LRTM3: variants seen among roughly 807,000 people sequenced by gnomAD.
LRTM3 encodes the protein leucine rich repeat transmembrane protein 3, also known as leucine-rich repeat transmembrane protein 3.
chr13:102,737,983 G>A, the LRTM3 span: 4 of 1,550,474 alleles, frequency 2.6e-6, no homozygotes, highest in Middle Eastern at 1.7e-4. Flanking sequence ...CTTCAACTTC[G>A]TGATCCATTT....
chr13:102,749,996 C>A, the LRTM3 span: 1 of 1,550,236 alleles, frequency 6.5e-7, no homozygotes. Context: ...GGCAAGAGGG[C>A]AAGGTGCCAC....
the LRTM3 span, chr13:102,742,176 T>C: frequency 6.4e-7 from 1 of 1,550,530 alleles, no homozygotes; most frequent in Non-Finnish European, 8.7e-7. Context: ...GCATTTTTAC[T>C]CAGCTGGAAT....
the LRTM3 span, chr13:102,745,603 G>C: frequency 6.4e-7 from 1 of 1,550,974 alleles, no homozygotes; most frequent in Non-Finnish European, 8.7e-7. Flanking sequence ...AAGTTTTCAT[G>C]TCTGAAAATT....
the LRTM3 span, chr13:102,734,060 C>G: frequency 2.6e-6 from 4 of 1,551,482 alleles, no homozygotes; most frequent in Non-Finnish European, 3.5e-6. Context: ...CAGAACCACA[C>G]ATGCTTCATC....
chr13:102,740,669 T>C, the LRTM3 span: 1 of 1,548,104 alleles, frequency 6.5e-7, no homozygotes, highest in South Asian at 1.2e-5. Flanking sequence ...TTTCTCTTGT[T>C]GCATAGATGC....
At chr13:102,739,576 C>T in the LRTM3 span, 1 of 1,550,190 alleles carries the variant, frequency 6.5e-7, no homozygotes, top group Non-Finnish European at 8.7e-7. Context: ...GCATCTTGCC[C>T]TCTTGTTTTA....
chr13:102,747,177 T>C, the LRTM3 span: 1 of 1,550,802 alleles, frequency 6.4e-7, no homozygotes, highest in South Asian at 1.2e-5. Context: ...TCCCTTTCAA[T>C]TTGGGATTCC....
At chr13:102,743,699 T>C in the LRTM3 span, 1 of 1,549,792 alleles carries the variant, frequency 6.5e-7, no homozygotes, top group African/African-American at 1.4e-5. Flanking sequence ...GCACTTTCTG[T>C]TGGATACAGT....
At chr13:102,739,601 A>G in the LRTM3 span, 1 of 1,550,440 alleles carries the variant, frequency 6.4e-7, no homozygotes, top group Non-Finnish European at 8.7e-7. Flanking sequence ...GTCTAACAGC[A>G]AAGGAAATTC....
chr13:102,729,686 T>C, the LRTM3 span: 2 of 1,551,908 alleles, frequency 1.3e-6, no homozygotes, highest in Non-Finnish European at 1.7e-6. Context: ...AGAATAGAAG[T>C]TGATATCGTC....
chr13:102,746,054 T>C, the LRTM3 span: 1 of 1,551,180 alleles, frequency 6.4e-7, no homozygotes, highest in Non-Finnish European at 8.7e-7. Flanking sequence ...GACTTTTATG[T>C]CATTTTCTGT....
chr13:102,745,920 G>A, the LRTM3 span: 3 of 1,551,126 alleles, frequency 1.9e-6, no homozygotes, highest in East Asian at 2.4e-5. Flanking sequence ...GTACTTCCTG[G>A]TTGGTTCAGT....
At chr13:102,731,769 G>C in the LRTM3 span, 1 of 1,551,124 alleles carries the variant, frequency 6.4e-7, no homozygotes, top group Non-Finnish European at 8.7e-7. Flanking sequence ...AAAGCTTTTT[G>C]CTGCTGAACC....
At chr13:102,758,501 G>A in the LRTM3 span, 1 of 1,535,722 alleles carries the variant, frequency 6.5e-7, no homozygotes, top group Non-Finnish European at 8.8e-7. Context: ...AGCTCAGGAT[G>A]AACAAGTTTT....
the LRTM3 span, chr13:102,730,228 A>G: frequency 1.3e-6 from 2 of 1,551,354 alleles, no homozygotes; most frequent in African/African-American, 1.4e-5. Flanking sequence ...TTTTGTAGAC[A>G]TTTTCCAAAG....
At chr13:102,758,559 G>A in the LRTM3 span, 4 of 1,547,944 alleles carry the variant, frequency 2.6e-6, no homozygotes, top group Non-Finnish European at 3.5e-6. Context: ...TCCTGCTTTT[G>A]GGGCAACTGT....
At chr13:102,746,302 T>C in the LRTM3 span, 4 of 1,551,090 alleles carry the variant, frequency 2.6e-6, no homozygotes, top group Non-Finnish European at 3.5e-6. Flanking sequence ...TATGTTCCTC[T>C]TCCTTTCCAT....
the LRTM3 span, among the ~76,000 whole-genome samples, chr13:102,753,666 G>A: frequency 6.6e-6 from 1 of 152,064 alleles, no homozygotes; most frequent in Non-Finnish European, 1.5e-5. Context: ...TTTGTGATAC[G>A]TTGTTATGGC....
chr13:102,743,288 C>G, the LRTM3 span: 9 of 1,550,454 alleles, frequency 5.8e-6, no homozygotes, highest in Non-Finnish European at 7.9e-6. Context: ...ATGACTTAAC[C>G]CTGATATTCT....
Sources: allele counts gnomAD v4.1 joint callset (sites outside exome capture counted in the v4.1 genomes callset), GRCh38; gene constraint gnomAD v4.1.1; transcripts MANE v1.5; gene names NCBI Gene and HGNC (gene_info 2026-07-23, HGNC 2026-07-21).